The following ERC1 variants were observed in gnomAD, a reference collection of about 807,000 sequenced individuals.
ERC1 encodes ELKS/RAB6-interacting/CAST family member 1.
In ERC1, 56 loss-of-function variants were observed where a neutral mutation model predicts 132.0. The observed-to-expected ratio is 0.42, with a 90% confidence interval of 0.34 to 0.53. The LOEUF is 0.53. Among genes scored for constraint, ERC1 ranks in the 20% least tolerant of loss-of-function variants. The pLI is 0.03. For missense variants in ERC1, 1,202 were observed against 1,349.9 expected, an observed-to-expected ratio of 0.89 and a Z score of 1.72; for synonymous variants, 478 against 476.1, an observed-to-expected ratio of 1.00 and a Z score of -0.05.
At chr12:1,131,488 GTC>G (rs960696215) in intron 7 of ERC1, among the ~76,000 whole-genome samples, 2 of 152,106 alleles carry the variant, frequency 1.3e-5, no homozygotes, top group Non-Finnish European at 2.9e-5. Flanking sequence ...TTGAGGCAGA[GTC>G]TCTCTCTGTC....
intron 1 of ERC1, among the ~76,000 whole-genome samples, chr12:992,579 T>G (rs1959804249): frequency 6.6e-6 from 1 of 152,220 alleles, no homozygotes; most frequent in Admixed American, 6.5e-5. Flanking sequence ...GAAATGTTCT[T>G]GGAGTCAAGT....
At chr12:1,448,956 C>G (rs1052524642) in intron 18 of ERC1, among the ~76,000 whole-genome samples, 1 of 152,246 alleles carries the variant, frequency 6.6e-6, no homozygotes, top group East Asian at 1.9e-4. Context: ...GCCACAGGGG[C>G]AGAGCTGCCC....
chr12:1,235,755 C>T (rs1187830413), intron 12 of ERC1, among the ~76,000 whole-genome samples: 2 of 152,078 alleles, frequency 1.3e-5, no homozygotes, highest in East Asian at 3.8e-4. Context: ...ATTAATATAG[C>T]TTCTTGGAAA....
At chr12:1,477,961 T>C (rs1038902771) in intron 18 of ERC1, among the ~76,000 whole-genome samples, 2 of 152,382 alleles carry the variant, frequency 1.3e-5, no homozygotes, top group South Asian at 4.1e-4. Context: ...TGATATTCCA[T>C]TGTATGAATG....
At chr12:1,056,593 C>T (rs2154172347) in intron 2 of ERC1, among the ~76,000 whole-genome samples, 1 of 152,166 alleles carries the variant, frequency 6.6e-6, no homozygotes, top group South Asian at 2.1e-4. Flanking sequence ...GTTCCATTTG[C>T]CTAGGGTGCA....
At chr12:1,270,514 T>G (rs2077763952) in intron 14 of ERC1, among the ~76,000 whole-genome samples, 1 of 152,158 alleles carries the variant, frequency 6.6e-6, no homozygotes, top group Admixed American at 6.5e-5. Context: ...GGTCTGAACC[T>G]TTATCTTTCT....
At position 1,358,099 on chromosome 12, in the gene ERC1, C is replaced by T. The variant is rs143316169; in HGVS notation, c.2781-13734C>T. ...GTTCTTGTGGTACATGCCTGTAGTCCCAGCTTCTTGGGAGGATGGCTTGAG... is the reference window on the plus strand; with the variant it reads ...GTTCTTGTGGTACATGCCTGTAGTCTCAGCTTCTTGGGAGGATGGCTTGAG... On this transcript the variant is annotated intron_variant, in intron 15 of 18. Coordinates refer to ENST00000360905, the MANE Select transcript of ERC1 (RefSeq NM_178040.4). Among the ~76,000 whole-genome samples the T allele has an allele frequency of 1.6e-3, 238 of 151,890 alleles. 1 individual carries two copies. The highest frequency in any genetic ancestry group is 5.6e-3 in the African/African-American group (233 of 41,412).
At chr12:1,304,849 G>A (rs1298113789) in intron 15 of ERC1, among the ~76,000 whole-genome samples, 3 of 139,130 alleles carry the variant, frequency 2.2e-5, no homozygotes, top group African/African-American at 8.2e-5. Flanking sequence ...GAGTACAGTG[G>A]CGTGATCTCG....
In ERC1 at chr12:1,383,641, C is replaced by A. The variant is rs543743925; in HGVS notation, c.2925+11664C>A. Among the ~76,000 whole-genome samples the A allele has an allele frequency of 2.8e-4, 43 of 151,882 alleles. 1 individual carries two copies. In the South Asian group the frequency reaches 4.8e-3, roughly 17 times the overall value. On this transcript the variant is annotated intron_variant, in intron 16 of 18. Coordinates refer to ENST00000360905, the MANE Select transcript of ERC1 (RefSeq NM_178040.4). ...AAAACAAGACTCTGTCACACACACACAAAAAAAGCGAATGTGGAATTAAAT... is the reference window on the plus strand; with the variant it reads ...AAAACAAGACTCTGTCACACACACAAAAAAAAAGCGAATGTGGAATTAAAT...
chr12:1,371,978 G>A lies in ERC1; in HGVS notation c.2925+1G>A. 1 of 1,613,166 alleles carries A rather than the reference G, an allele frequency of 6.2e-7. No individual in the cohort carries two copies. Among genetic ancestry groups the A allele is most frequent in the Non-Finnish European group, 8.5e-7 (1 of 1,179,872 alleles). On this transcript the variant is annotated splice_donor_variant, in intron 16 of 18. Transcript: ENST00000360905. LOFTEE classifies it high-confidence loss of function. ...TCTGGTACAGCAGCTTAAGCAGCAGGTATTATTAAATGCCAGCAGGAGGGT... is the reference window on the plus strand; with the variant it reads ...TCTGGTACAGCAGCTTAAGCAGCAGATATTATTAAATGCCAGCAGGAGGGT...
At chr12:1,341,610 A>G (rs2083901625) in intron 15 of ERC1, among the ~76,000 whole-genome samples, 1 of 144,876 alleles carries the variant, frequency 6.9e-6, no homozygotes, top group Non-Finnish European at 1.5e-5. Flanking sequence ...GAATTGAACA[A>G]TGAGAACACA....
In ERC1 at chr12:1,138,229, GTATAA is replaced by G. The variant is rs943106093; in HGVS notation, c.1570-3384_1570-3380del. Among the ~76,000 whole-genome samples, 668 of 106,330 alleles carry G rather than the reference GTATAA, an allele frequency of 6.3e-3. 9 individuals are homozygous for G. Among genetic ancestry groups the G allele is most frequent in the African/African-American group, 0.027 (610 of 22,984 alleles). 69.8% of individuals were successfully genotyped at this position (106,330 alleles called of 152,430 possible). ...ATATATATTATATAATATATATCATGTATAATATAATTACAATATATGATATATAT... is the reference window on the plus strand; with the variant it reads ...ATATATATTATATAATATATATCATGTATAATTACAATATATGATATATAT... On this transcript the variant is annotated intron_variant, in intron 7 of 18. Transcript: ENST00000360905.
At chr12:1,165,846 A>G (rs1952368970) in intron 8 of ERC1, among the ~76,000 whole-genome samples, 1 of 152,152 alleles carries the variant, frequency 6.6e-6, no homozygotes, top group African/African-American at 2.4e-5. Context: ...ATTTTAAACT[A>G]TATGATTCAG....
At chr12:1,405,649 G>A (rs1565366440) in intron 16 of ERC1, among the ~76,000 whole-genome samples, 1 of 152,210 alleles carries the variant, frequency 6.6e-6, no homozygotes, top group Non-Finnish European at 1.5e-5. Flanking sequence ...GTTGCAGTGA[G>A]CCAGGATCAC....
chr12:1,311,933 A>G (rs796373924), intron 15 of ERC1, among the ~76,000 whole-genome samples: 22 of 152,344 alleles, frequency 1.4e-4, no homozygotes, highest in African/African-American at 4.6e-4. Context: ...AATTTCCACT[A>G]TGTAAAATTA....
chr12:1,004,401 CTTTTTT>C (rs71055118), intron 1 of ERC1, among the ~76,000 whole-genome samples: 7 of 95,024 alleles, frequency 7.4e-5, no homozygotes, highest in Admixed American at 2.7e-4. Context: ...TTTTCTTTCT[CTTTTTT>C]TTTTTTTTTT....
At chr12:1,372,017 T>A in intron 16 of ERC1, 40 bp downstream of exon 16, 1 of 1,605,720 alleles carries the variant, frequency 6.2e-7, no homozygotes, top group Non-Finnish European at 8.5e-7. Flanking sequence ...TGGGGCCAGC[T>A]TTCACACCAT....
At chr12:1,256,960 A>G (rs1275769755) in intron 13 of ERC1, among the ~76,000 whole-genome samples, 1 of 150,654 alleles carries the variant, frequency 6.6e-6, no homozygotes, top group South Asian at 2.1e-4. Context: ...CCCATCCTTC[A>G]GTTTGACTCC....
intron 17 of ERC1, among the ~76,000 whole-genome samples, chr12:1,434,053 A>AT (rs970056193): frequency 4.0e-5 from 6 of 151,336 alleles, no homozygotes; most frequent in African/African-American, 1.5e-4. Context: ...ACAAGAGCAG[A>AT]TTAACATGGT....
Sources: allele counts gnomAD v4.1 joint callset (sites outside exome capture counted in the v4.1 genomes callset), GRCh38; gene constraint gnomAD v4.1.1; transcripts MANE v1.5; gene names NCBI Gene and HGNC (gene_info 2026-07-23, HGNC 2026-07-21).